The following CLIC5 variants were observed in gnomAD, a reference collection of about 807,000 sequenced individuals.
CLIC5 encodes the protein chloride intracellular channel protein 5.
In CLIC5, 20 loss-of-function variants were observed where a neutral mutation model predicts 24.7. The observed-to-expected ratio is 0.81, with a 90% CI of 0.57 to 1.18. The LOEUF (loss-of-function observed/expected upper bound fraction) is 1.18, where lower values mean the gene tolerates loss of function less well. CLIC5 is among the 50% of genes most tolerant of loss of function. CLIC5 has a pLI of 0.00. For missense variants in CLIC5, 341 were observed against 326.1 expected, an observed-to-expected ratio of 1.05 and a Z score of -0.35; for synonymous variants, 159 against 135.6, an observed-to-expected ratio of 1.17 and a Z score of -1.20.
chr6:46,065,116 A>G (rs1562032751), intron 1 of CLIC5, among the ~76,000 whole-genome samples: 1 of 152,206 alleles, frequency 6.6e-6, no homozygotes, highest in East Asian at 1.9e-4. Context: ...AAATATTTGA[A>G]TAGGTGCTTC....
downstream of CLIC5, among the ~76,000 whole-genome samples, chr6:45,897,634 C>T (rs1762411295): frequency 6.6e-6 from 1 of 152,026 alleles, no homozygotes; most frequent in South Asian, 2.1e-4. Flanking sequence ...TTATGACTAC[C>T]CTTTAGCAAT....
At chr6:46,026,058 G>A (rs1164656330) in intron 1 of CLIC5, among the ~76,000 whole-genome samples, 1 of 152,140 alleles carries the variant, frequency 6.6e-6, no homozygotes, top group Non-Finnish European at 1.5e-5. Flanking sequence ...GACTGATATA[G>A]CCTTCATCTT....
At chr6:45,933,598 T>G (rs1581758840) in intron 4 of CLIC5, among the ~76,000 whole-genome samples, 1 of 152,220 alleles carries the variant, frequency 6.6e-6, no homozygotes, top group East Asian at 1.9e-4. Flanking sequence ...AGGAAGAGTA[T>G]GTTAGGACAT....
chr6:45,921,171 G>T (rs3798259), intron 4 of CLIC5, among the ~76,000 whole-genome samples: 42,937 of 151,918 alleles, frequency 0.28, 6,480 homozygotes, highest in East Asian at 0.48. Flanking sequence ...GGTAAGGGGG[G>T]GCTGATTTTC....
intron 1 of CLIC5, among the ~76,000 whole-genome samples, chr6:45,960,038 A>G (rs1410247027): frequency 1.3e-5 from 2 of 152,172 alleles, no homozygotes; most frequent in Admixed American, 6.5e-5. Context: ...AGAGAAGCAT[A>G]CCATATTGAT....
rs919961620 is a variant in CLIC5 at position 45,971,175 on chromosome 6, C to T, written c.64-15931G>A. ...ACATTTTGGGTACCACATTCTAATA[C>T]TACTATCCACAGAGTGGATTCCTCA... On this transcript the variant is annotated intron_variant, in intron 1 of 5. Coordinates refer to ENST00000339561, the MANE Select transcript of CLIC5 (RefSeq NM_016929.5). 1.4e-4 allele frequency among the ~76,000 whole-genome samples: 21 copies of T among 152,318 alleles called. 1 individual carries two copies. The highest frequency in any genetic ancestry group is 7.4e-5 in the Non-Finnish European group (5 of 68,024).
intron 1 of CLIC5, among the ~76,000 whole-genome samples, chr6:46,068,509 C>T (rs1762504155): frequency 6.6e-6 from 1 of 152,098 alleles, no homozygotes. Context: ...GATCTTCCTT[C>T]AGGAGTTCAC....
upstream of CLIC5, among the ~76,000 whole-genome samples, chr6:46,020,738 A>T (rs1427278232): frequency 1.3e-5 from 2 of 152,058 alleles, no homozygotes; most frequent in Admixed American, 6.5e-5. Context: ...GATACAAAAG[A>T]TGGGATATCA....
chr6:46,012,996 CAGT>C (rs1158976628), intron 1 of CLIC5, among the ~76,000 whole-genome samples: 1 of 152,124 alleles, frequency 6.6e-6, no homozygotes, highest in African/African-American at 2.4e-5. Flanking sequence ...TCATTATCAG[CAGT>C]AGTAGTAACA....
intron 1 of CLIC5, among the ~76,000 whole-genome samples, chr6:45,957,137 A>G (rs1318565873): frequency 2.3e-4 from 35 of 152,238 alleles, no homozygotes; most frequent in Admixed American, 2.3e-3. Context: ...AGCCAGATCC[A>G]TATACTGTTA....
chr6:46,080,096 AG>A lies in CLIC5; in HGVS notation c.146del (p.Thr49IlefsTer3). ...AATCATACTCATGGGTATTCAGCTG[AG>A]TGGCATATAAATCATTTTCTGGCCT... On this transcript the variant is annotated frameshift_variant, in exon 1 of 6. Coordinates refer to the CLIC5 transcript ENST00000185206. LOFTEE classifies it high-confidence loss of function. The A allele has an allele frequency of 1.3e-6, 2 of 1,551,702 alleles. No homozygotes were observed. The highest frequency in any genetic ancestry group is 1.7e-6 in the Non-Finnish European group (2 of 1,146,984).
chr6:46,014,289 T>TA (rs1210496513), intron 1 of CLIC5: 2 of 152,222 alleles, frequency 1.3e-5, no homozygotes, highest in Non-Finnish European at 2.9e-5. Flanking sequence ...CACAGATTGT[T>TA]ATCAAGGTTT....
intron 1 of CLIC5, among the ~76,000 whole-genome samples, chr6:46,070,513 C>A (rs1762564179): frequency 6.6e-6 from 1 of 151,902 alleles, no homozygotes; most frequent in Non-Finnish European, 1.5e-5. Context: ...TACAGCTAAC[C>A]AGACAGGTGA....
downstream of CLIC5, among the ~76,000 whole-genome samples, chr6:45,895,840 G>C (rs141471257): frequency 6.6e-6 from 1 of 152,114 alleles, no homozygotes; most frequent in East Asian, 1.9e-4. Flanking sequence ...AATAGTACTG[G>C]GTTTTAACTG....
the CLIC5 span, among the ~76,000 whole-genome samples, chr6:46,111,872 T>G: frequency 0.13 from 20,151 of 152,182 alleles, 1,802 homozygotes; most frequent in South Asian, 0.33. Context: ...TCATGAGATC[T>G]GATGGTTTTA....
At chr6:45,884,255 T>C (rs1219680370) in intron 6 of CLIC5, among the ~76,000 whole-genome samples, 3 of 152,174 alleles carry the variant, frequency 2.0e-5, no homozygotes, top group Admixed American at 6.5e-5. Flanking sequence ...TCCTTAAGCA[T>C]AGGCATCTAA....
At chr6:45,926,336 C>G (rs1004676732) in intron 4 of CLIC5, among the ~76,000 whole-genome samples, 2 of 151,030 alleles carry the variant, frequency 1.3e-5, no homozygotes, top group Non-Finnish European at 3.0e-5. Context: ...CAAGCTCCAC[C>G]TCCTGGGTTC....
At chr6:45,905,188 T>C (rs1184830386) in intron 5 of CLIC5, among the ~76,000 whole-genome samples, 4 of 152,246 alleles carry the variant, frequency 2.6e-5, no homozygotes, top group Non-Finnish European at 4.4e-5. Flanking sequence ...CATAAATATA[T>C]GAATGCATAT....
chr6:45,950,804 A>C (rs1264793409), intron 2 of CLIC5, among the ~76,000 whole-genome samples: 6 of 152,104 alleles, frequency 3.9e-5, no homozygotes, highest in African/African-American at 1.4e-4. Context: ...TCAAGCATCT[A>C]CTGTTCTCAA....
Sources: gnomAD v4.1 joint callset for allele counts (sites outside exome capture counted in the v4.1 genomes callset) on GRCh38, gnomAD v4.1.1 for gene constraint, MANE v1.5 for transcripts, NCBI Gene and HGNC (gene_info 2026-07-23, HGNC 2026-07-21) for gene names.